The following ACAD10 variants were observed in gnomAD, a reference collection of about 807,000 sequenced individuals.
The protein encoded by ACAD10 is ACAD-10.
Under a neutral mutation model 116.8 loss-of-function variants are expected in ACAD10, and 112 were observed. The observed-to-expected ratio is 0.96, with a 90% CI of 0.82 to 1.12. The LOEUF (loss-of-function observed/expected upper bound fraction) is 1.12. ACAD10 is among the 50% of genes most tolerant of loss of function. The probability of loss-of-function intolerance (pLI) is 0.00; values close to 1 mark genes in which losing one functional copy is unlikely to be tolerated. For missense variants in ACAD10, 1,259 were observed against 1,350.2 expected (o/e 0.93, Z 1.06); for synonymous variants, 486 against 510.6 (o/e 0.95, Z 0.65).
At chr12:111,709,869 C>A in intron 5 of ACAD10, 185 bp downstream of exon 5, 2 of 667,792 alleles carry the variant, frequency 3.0e-6, no homozygotes, top group Non-Finnish European at 4.8e-6. Context: ...CAATGGGAAG[C>A]AAGACAAACA....
chr12:111,719,071 A>G (rs140043962), intron 7 of ACAD10, among the ~76,000 whole-genome samples: 145 of 152,186 alleles, frequency 9.5e-4, no homozygotes, highest in African/African-American at 3.1e-3. Flanking sequence ...CAGTGAGCCA[A>G]GATTGTGCCA....
At chr12:111,690,368 TTTGTG>T (rs1379872406) in intron 1 of ACAD10, 1 of 152,064 alleles carries the variant, frequency 6.6e-6, no homozygotes, top group African/African-American at 2.4e-5. Context: ...TGAAACAAAG[TTTGTG>T]TTAAGTACTT....
At chr12:111,753,690 G>A in intron 18 of ACAD10, 82 bp from the exon 19 acceptor site, 1 of 1,594,944 alleles carries the variant, frequency 6.3e-7, no homozygotes, top group Non-Finnish European at 8.6e-7. Flanking sequence ...CTTCCACCCA[G>A]CTCTGCAGGC....
At chr12:111,724,392 C>T (rs1372633902) in intron 8 of ACAD10, among the ~76,000 whole-genome samples, 1 of 152,152 alleles carries the variant, frequency 6.6e-6, no homozygotes. Flanking sequence ...TCCTCACTTC[C>T]CAGACGGGGT....
chr12:111,724,588 C>T (rs1387695291), intron 8 of ACAD10, among the ~76,000 whole-genome samples: 6 of 152,280 alleles, frequency 3.9e-5, no homozygotes, highest in Non-Finnish European at 7.3e-5. Flanking sequence ...GGATCACTCG[C>T]GGTTAGGGGC....
chr12:111,737,027 G>C, intron 12 of ACAD10, 23 bp downstream of exon 12: 1 of 1,610,404 alleles, frequency 6.2e-7, no homozygotes, highest in South Asian at 1.1e-5. Context: ...CTGCCCTGAA[G>C]AGCCACTGCG....
chr12:111,732,405 C>T (rs1889414671), intron 10 of ACAD10, among the ~76,000 whole-genome samples: 1 of 152,076 alleles, frequency 6.6e-6, no homozygotes, highest in Admixed American at 6.6e-5. Flanking sequence ...TGAAAGAACA[C>T]TATATGTGGT....
chr12:111,712,689 C>T, intron 6 of ACAD10, 32 bp downstream of exon 6: 1 of 1,604,842 alleles, frequency 6.2e-7, no homozygotes, highest in Non-Finnish European at 8.5e-7. Context: ...TTTGGTAGCT[C>T]TCTCCAAGGC....
intron 9 of ACAD10, among the ~76,000 whole-genome samples, 153 bp from the exon 10 acceptor site, chr12:111,729,653 T>C (rs895412104): frequency 5.9e-5 from 9 of 152,160 alleles, no homozygotes; most frequent in Non-Finnish European, 1.3e-4. Flanking sequence ...AGGAGCATCA[T>C]GTGGGAAATT....
chr12:111,697,068 G>GA (rs1282249700), intron 2 of ACAD10, among the ~76,000 whole-genome samples: 1 of 145,862 alleles, frequency 6.9e-6, no homozygotes, highest in East Asian at 2.4e-4. Context: ...GCGATACAGC[G>GA]AGACTCCGTC....
chr12:111,698,503 C>G (rs1455184765), intron 2 of ACAD10, among the ~76,000 whole-genome samples: 2 of 145,538 alleles, frequency 1.4e-5, no homozygotes, highest in African/African-American at 2.5e-5. Flanking sequence ...TTGAGACAGA[C>G]TTTTGCTCTT....
chr12:111,723,018 A>AC (rs761816539), intron 8 of ACAD10, among the ~76,000 whole-genome samples: 7,412 of 90,494 alleles, frequency 0.082, 320 homozygotes, highest in Middle Eastern at 0.12. Flanking sequence ...CGGGGGGCTG[A>AC]CCCCCCCCCA....
At chr12:111,703,852 A>T (rs1379090859) in intron 3 of ACAD10, among the ~76,000 whole-genome samples, 1 of 151,894 alleles carries the variant, frequency 6.6e-6, no homozygotes, top group Non-Finnish European at 1.5e-5. Flanking sequence ...TCAAAAACAA[A>T]AACAAAAAAA....
intron 4 of ACAD10, among the ~76,000 whole-genome samples, chr12:111,707,264 T>C (rs935319256): frequency 4.0e-5 from 6 of 150,384 alleles, no homozygotes; most frequent in African/African-American, 1.5e-4. Context: ...AGTTTTTGTG[T>C]TTTTTATGAA....
chr12:111,728,415 TC>T (rs1889287339), intron 9 of ACAD10, among the ~76,000 whole-genome samples: 1 of 152,108 alleles, frequency 6.6e-6, no homozygotes, highest in African/African-American at 2.4e-5. Flanking sequence ...TATTCTGCTA[TC>T]CAATTCCCTG....
chr12:111,700,854 G>A (rs977130211), intron 2 of ACAD10, among the ~76,000 whole-genome samples: 2 of 150,206 alleles, frequency 1.3e-5, no homozygotes, highest in African/African-American at 4.9e-5. Context: ...AAACTCCTGG[G>A]CTTAAGCGAT....
Position 111,753,803 on chromosome 12 carries a change from T to G in ACAD10, c.2849T>G (p.Leu950Arg). The G allele has an allele frequency of 6.2e-7, 1 of 1,613,990 alleles. No individual in the cohort carries two copies. Among genetic ancestry groups the G allele is most frequent in the Non-Finnish European group, 8.5e-7 (1 of 1,180,028 alleles). Reference protein sequence around the residue: ...VKSRLAFGKPLVEQGTVLADI... With the variant: ...VKSRLAFGKPRVEQGTVLADI... ...TCCCGCTTGGCTTTTGGGAAGCCCC[T>G]GGTGGAGCAGGGCACAGTGCTGGCG... is the stretch of plus-strand genomic sequence containing the variant. Residue 950 changes from leucine to arginine, a missense_variant, in exon 19 of 21, where the codon CTG becomes CGG. Transcript: ENST00000313698.
At chr12:111,730,939 C>CA (rs1169321906) in intron 10 of ACAD10, among the ~76,000 whole-genome samples, 1 of 151,758 alleles carries the variant, frequency 6.6e-6, no homozygotes, top group Admixed American at 6.6e-5. Context: ...TTTGGTAATC[C>CA]AAAAATACAA....
chr12:111,728,839 A>G (rs1889303556), intron 9 of ACAD10, among the ~76,000 whole-genome samples: 1 of 152,002 alleles, frequency 6.6e-6, no homozygotes, highest in Non-Finnish European at 1.5e-5. Context: ...ACAGGTACGC[A>G]CCACCATGCC....
Sources: gnomAD v4.1 joint callset for allele counts (sites outside exome capture counted in the v4.1 genomes callset) on GRCh38, gnomAD v4.1.1 for gene constraint, MANE v1.5 for transcripts, NCBI Gene and HGNC (gene_info 2026-07-23, HGNC 2026-07-21) for gene names.